LRRC4C: variants seen among roughly 807,000 people sequenced by gnomAD.
LRRC4C encodes leucine-rich repeat-containing protein 4C.
LRRC4C carries 5 observed loss-of-function variants against 33.6 expected under a neutral mutation model. The observed-to-expected ratio is 0.15, with a 90% CI of 0.08 to 0.31. LRRC4C has a LOEUF of 0.31. LRRC4C is among the 10% of genes least tolerant of loss of function. The pLI is 1.00. For missense variants in LRRC4C, 560 were observed against 796.7 expected (o/e 0.70, Z 3.58); for synonymous variants, 329 against 302.0 (o/e 1.09, Z -0.93).
At chr11:40,393,397 G>T (rs1949412289) in intron 3 of LRRC4C, among the ~76,000 whole-genome samples, 1 of 152,112 alleles carries the variant, frequency 6.6e-6, no homozygotes, top group Non-Finnish European at 1.5e-5. Context: ...AGACCCTGAA[G>T]ATTTATGAGG....
At chr11:40,127,105 C>T (rs1365620752) in intron 6 of LRRC4C, among the ~76,000 whole-genome samples, 1 of 151,792 alleles carries the variant, frequency 6.6e-6, no homozygotes, top group African/African-American at 2.4e-5. Context: ...GGTGAAACCC[C>T]GTCTCTACTA....
chr11:40,512,556 G>T (rs1329232797), intron 3 of LRRC4C, among the ~76,000 whole-genome samples: 1 of 152,156 alleles, frequency 6.6e-6, no homozygotes, highest in African/African-American at 2.4e-5. Context: ...TGAGACCAAA[G>T]TCACAACCAC....
chr11:41,152,508 T>C (rs1944043638), intron 1 of LRRC4C, among the ~76,000 whole-genome samples: 2 of 152,148 alleles, frequency 1.3e-5, no homozygotes, highest in Admixed American at 6.5e-5. Context: ...ATTAGTAACA[T>C]CTTCAGCCAC....
At chr11:40,832,508 C>A (rs1226929716) in intron 2 of LRRC4C, among the ~76,000 whole-genome samples, 1 of 151,900 alleles carries the variant, frequency 6.6e-6, no homozygotes, top group South Asian at 2.1e-4. Flanking sequence ...TAATAAATCC[C>A]AAACTAGAAT....
intron 2 of LRRC4C, among the ~76,000 whole-genome samples, chr11:40,723,061 T>A (rs4132507): frequency 6.6e-6 from 1 of 151,806 alleles, no homozygotes; most frequent in African/African-American, 2.4e-5. Flanking sequence ...AAAGAAAAAA[T>A]AAATTTTTAA....
chr11:40,968,982 T>A (rs1301675752), intron 1 of LRRC4C, among the ~76,000 whole-genome samples: 1 of 152,180 alleles, frequency 6.6e-6, no homozygotes, highest in African/African-American at 2.4e-5. Flanking sequence ...TAGTGATTTC[T>A]TTAATGGATC....
intron 3 of LRRC4C, among the ~76,000 whole-genome samples, chr11:40,362,361 A>G (rs1947994658): frequency 6.6e-6 from 1 of 152,184 alleles, no homozygotes; most frequent in Non-Finnish European, 1.5e-5. Flanking sequence ...TGCAAATTAT[A>G]CATCTGAGAA....
chr11:40,217,210 T>C (rs987412928), intron 5 of LRRC4C, among the ~76,000 whole-genome samples: 3 of 152,146 alleles, frequency 2.0e-5, no homozygotes, highest in Admixed American at 2.0e-4. Flanking sequence ...AGCATTGTTC[T>C]GTGTGTTTTA....
intron 5 of LRRC4C, among the ~76,000 whole-genome samples, chr11:40,215,063 A>C (rs553983714): frequency 2.0e-4 from 31 of 152,260 alleles, no homozygotes; most frequent in African/African-American, 7.5e-4. Context: ...CTGGGTGCCA[A>C]ATGCTTCGAT....
intron 1 of LRRC4C, among the ~76,000 whole-genome samples, chr11:41,390,896 A>G (rs1953563097): frequency 6.6e-6 from 1 of 151,878 alleles, no homozygotes; most frequent in South Asian, 2.1e-4. Flanking sequence ...TAGCTACTCA[A>G]GAAATAATTA....
At chr11:41,266,388 G>A (rs1195852551) in intron 1 of LRRC4C, among the ~76,000 whole-genome samples, 4 of 152,082 alleles carry the variant, frequency 2.6e-5, no homozygotes, top group African/African-American at 7.2e-5. Context: ...CAGTTTGATA[G>A]AGTTTTATGA....
intron 1 of LRRC4C, among the ~76,000 whole-genome samples, chr11:41,011,754 T>C (rs1855201084): frequency 1.3e-5 from 2 of 150,570 alleles, no homozygotes; most frequent in African/African-American, 4.9e-5. Flanking sequence ...TATGTAGCCT[T>C]TGTGGGTCAT....
chr11:40,373,859 A>T (rs995313876), intron 3 of LRRC4C, among the ~76,000 whole-genome samples: 1 of 152,206 alleles, frequency 6.6e-6, no homozygotes, highest in African/African-American at 2.4e-5. Flanking sequence ...CATCAGAAGC[A>T]AAGCGTACTC....
chr11:41,389,373 A>G (rs1482584886), intron 1 of LRRC4C, among the ~76,000 whole-genome samples: 3 of 151,792 alleles, frequency 2.0e-5, no homozygotes, highest in Non-Finnish European at 4.4e-5. Context: ...AATTTATATC[A>G]TGGTTGTGTC....
intron 1 of LRRC4C, among the ~76,000 whole-genome samples, chr11:41,369,784 A>C (rs1952676974): frequency 1.3e-5 from 2 of 152,134 alleles, no homozygotes; most frequent in Admixed American, 1.3e-4. Context: ...CCTGGAGAAA[A>C]GCTCAAAGCA....
intron 2 of LRRC4C, among the ~76,000 whole-genome samples, chr11:40,677,695 C>T (rs1944473120): frequency 6.6e-6 from 1 of 152,096 alleles, no homozygotes; most frequent in Non-Finnish European, 1.5e-5. Context: ...GTTTGCTGCT[C>T]AGCTAAAAAC....
intron 1 of LRRC4C, among the ~76,000 whole-genome samples, chr11:41,239,683 T>A (rs1460168982): frequency 6.6e-6 from 1 of 152,166 alleles, no homozygotes; most frequent in African/African-American, 2.4e-5. Context: ...CATTTTTAAT[T>A]TACTGAATTT....
chr11:40,945,120 C>T (rs1325476612), intron 1 of LRRC4C, among the ~76,000 whole-genome samples: 1 of 151,432 alleles, frequency 6.6e-6, no homozygotes, highest in Non-Finnish European at 1.5e-5. Context: ...CTCTGCCTCC[C>T]GGGTTCACAT....
intron 1 of LRRC4C, among the ~76,000 whole-genome samples, chr11:41,414,925 T>C (rs545776495): frequency 3.3e-5 from 5 of 152,258 alleles, no homozygotes; most frequent in African/African-American, 1.2e-4. Context: ...AAATGCTGCT[T>C]GGGGAACTAA....
Sources: allele counts gnomAD v4.1 joint callset (sites outside exome capture counted in the v4.1 genomes callset), GRCh38; gene constraint gnomAD v4.1.1; transcripts MANE v1.5; gene names NCBI Gene and HGNC (gene_info 2026-07-23, HGNC 2026-07-21).